PRKAG2: variants seen among roughly 807,000 people sequenced by gnomAD.
The protein encoded by PRKAG2 is protein kinase AMP-activated non-catalytic subunit gamma 2, also known as 5'-AMP-activated protein kinase subunit gamma-2.
Under a neutral mutation model 69.6 loss-of-function variants are expected in PRKAG2, and 26 were observed. The ratio of observed to expected loss-of-function variants is 0.37; its 90% CI spans 0.27 to 0.52. PRKAG2 has a LOEUF of 0.52. PRKAG2 is among the 20% of genes least tolerant of loss of function. The pLI is 0.90. For missense variants in PRKAG2, 557 were observed against 740.0 expected (o/e 0.75, Z 2.87); for synonymous variants, 293 against 285.0 (o/e 1.03, Z -0.28).
chr7:151,605,156 A>C, intron 5 of PRKAG2, among the ~76,000 whole-genome samples: 1 of 151,866 alleles, frequency 6.6e-6, no homozygotes, highest in African/African-American at 2.4e-5. Context: ...AGCTTGGATT[A>C]TAGGTGTGGG....
intron 5 of PRKAG2, among the ~76,000 whole-genome samples, chr7:151,616,173 CT>C (rs1345378163): frequency 6.6e-6 from 1 of 152,212 alleles, no homozygotes; most frequent in Non-Finnish European, 1.5e-5. Flanking sequence ...GGTGCAGTGG[CT>C]TCTCCTCAGG....
chr7:151,689,053 G>A (rs1835218253), intron 3 of PRKAG2, among the ~76,000 whole-genome samples: 1 of 152,206 alleles, frequency 6.6e-6, no homozygotes, highest in Non-Finnish European at 1.5e-5. Flanking sequence ...AAATCAGTGT[G>A]ATAACCAAAT....
At chr7:151,586,322 A>G (rs954581587) in intron 6 of PRKAG2, among the ~76,000 whole-genome samples, 3 of 143,640 alleles carry the variant, frequency 2.1e-5, no homozygotes, top group African/African-American at 7.8e-5. Context: ...AGGCAGGTGA[A>G]TCTCCTGTAA....
chr7:151,593,657 T>C (rs1252799495), intron 6 of PRKAG2, among the ~76,000 whole-genome samples: 2 of 152,182 alleles, frequency 1.3e-5, no homozygotes, highest in Non-Finnish European at 2.9e-5. Context: ...TATTGAAACA[T>C]GTAGTCACAG....
At chr7:151,785,363 G>A (rs1278452811) in intron 2 of PRKAG2, among the ~76,000 whole-genome samples, 5 of 152,222 alleles carry the variant, frequency 3.3e-5, no homozygotes, top group East Asian at 3.9e-4. Flanking sequence ...AGCCTTGCAC[G>A]GGGTTGGTGG....
At position 151,765,579 on chromosome 7, in the gene PRKAG2, G is replaced by A. The variant is rs1424642656; in HGVS notation, c.466+15573C>T. On this transcript the variant is annotated intron_variant, in intron 3 of 15. Transcript: ENST00000287878. ...AGCTCCACCAGCTCCCTGGGTCTCC[G>A]TCATCACTGGGCCTTCTTTTAAGGA... is the stretch of plus-strand genomic sequence containing the variant. 7.9e-5 allele frequency among the ~76,000 whole-genome samples: 12 copies of A among 152,088 alleles called. No individual in the cohort carries two copies. The East Asian group carries it at 1.4e-3, about 17-fold the overall frequency.
chr7:151,565,927 A>G (rs368175386), intron 11 of PRKAG2, 42 bp from the exon 12 acceptor site: 12 of 1,577,350 alleles, frequency 7.6e-6, no homozygotes, highest in Non-Finnish European at 1.0e-5. Flanking sequence ...CCCAGAACAC[A>G]CTCTTGTCAT....
chr7:151,695,798 G>T (rs10225256), intron 3 of PRKAG2, among the ~76,000 whole-genome samples: 3,541 of 152,218 alleles, frequency 0.023, 144 homozygotes, highest in African/African-American at 0.08. Flanking sequence ...GTAAGGCTAG[G>T]CCCTGGCCTT....
intron 3 of PRKAG2, among the ~76,000 whole-genome samples, chr7:151,695,282 A>G (rs1022833274): frequency 6.6e-6 from 1 of 152,206 alleles, no homozygotes; most frequent in African/African-American, 2.4e-5. Flanking sequence ...TGACCATAAA[A>G]TCACACCGCC....
intron 5 of PRKAG2, among the ~76,000 whole-genome samples, chr7:151,599,945 G>A (rs1815640537): frequency 6.6e-6 from 1 of 152,088 alleles, no homozygotes; most frequent in Non-Finnish European, 1.5e-5. Flanking sequence ...CTCCATCAGT[G>A]CTCTGCTGTC....
At chr7:151,662,298 A>T (rs191463864) in intron 4 of PRKAG2, among the ~76,000 whole-genome samples, 1 of 152,324 alleles carries the variant, frequency 6.6e-6, no homozygotes, top group Admixed American at 6.5e-5. Context: ...AAGGAATGAA[A>T]GAAAATGTGC....
chr7:151,605,188 T>C (rs1288737768), intron 5 of PRKAG2, among the ~76,000 whole-genome samples: 1 of 151,706 alleles, frequency 6.6e-6, no homozygotes, highest in African/African-American at 2.4e-5. Context: ...GGCTAATCCT[T>C]GTATTTTTAG....
chr7:151,795,417 T>C (rs544752833), intron 1 of PRKAG2, among the ~76,000 whole-genome samples: 11 of 151,956 alleles, frequency 7.2e-5, no homozygotes, highest in Admixed American at 3.9e-4. Flanking sequence ...GCTGCGGTCT[T>C]CACAGGTGGC....
At chr7:151,864,838 A>G (rs2080021828) in intron 1 of PRKAG2, among the ~76,000 whole-genome samples, 1 of 152,138 alleles carries the variant, frequency 6.6e-6, no homozygotes, top group South Asian at 2.1e-4. Flanking sequence ...ACTTGTCCCC[A>G]GGACAAAGCA....
rs113935949 is a variant in PRKAG2 at position 151,776,902 on chromosome 7, A to T, written c.466+4250T>A. ...GCCTTCAGGTACATTGCAGAGGATG[A>T]TCAGGGGCCTCACAGTCTCTGCTTC... On this transcript the variant is annotated intron_variant, in intron 3 of 15. Coordinates refer to ENST00000287878, the MANE Select transcript of PRKAG2 (RefSeq NM_016203.4). 8.2e-4 allele frequency among the ~76,000 whole-genome samples: 125 copies of T among 152,280 alleles called. 1 individual carries two copies. Among genetic ancestry groups the T allele is most frequent in the African/African-American group, 2.7e-3 (114 of 41,536 alleles).
At chr7:151,761,964 G>A (rs924599377) in intron 3 of PRKAG2, among the ~76,000 whole-genome samples, 6 of 152,150 alleles carry the variant, frequency 3.9e-5, no homozygotes, top group East Asian at 1.9e-4. Context: ...ATCCCTAGCC[G>A]ACTTCTCCCA....
intron 3 of PRKAG2, among the ~76,000 whole-genome samples, chr7:151,679,275 C>T (rs977520608): frequency 1.3e-5 from 2 of 152,098 alleles, no homozygotes; most frequent in South Asian, 2.1e-4. Context: ...AGCAAAGAAG[C>T]CTGTGTGCTA....
Position 151,850,631 on chromosome 7 carries a change from C to T in PRKAG2, c.114+25876G>A, listed in dbSNP as rs1295474821. ...AAAATCCTCAAGTTCTACACTCCTT[C>T]CCGCCTGCCCCACCTCCATCGTCCT... On this transcript the variant is annotated intron_variant, in intron 1 of 15. Transcript: ENST00000287878. The surrounding 1 kb of genome is among the most constrained non-coding windows in gnomAD (Gnocchi z 4.1). Among the ~76,000 whole-genome samples the T allele has an allele frequency of 3.3e-5, 5 of 152,256 alleles. No homozygotes were observed. The highest frequency in any genetic ancestry group is 2.0e-4 in the Admixed American group (3 of 15,290).
At chr7:151,610,105 T>C (rs1451167260) in intron 5 of PRKAG2, among the ~76,000 whole-genome samples, 4 of 152,164 alleles carry the variant, frequency 2.6e-5, no homozygotes, top group Admixed American at 6.5e-5. Context: ...GTGGCTCACA[T>C]CTGTAATCCC....
Sources: allele counts gnomAD v4.1 joint callset (sites outside exome capture counted in the v4.1 genomes callset), GRCh38; gene constraint gnomAD v4.1.1; non-coding constraint Gnocchi (gnomAD v3.1); transcripts MANE v1.5; gene names NCBI Gene and HGNC (gene_info 2026-07-23, HGNC 2026-07-21).